The following GNAL variants were observed in gnomAD, a reference collection of about 807,000 sequenced individuals.
GNAL encodes G protein subunit alpha L.
GNAL carries 18 observed loss-of-function variants against 55.1 expected under a neutral mutation model. The ratio of observed to expected loss-of-function variants is 0.33; its 90% CI spans 0.23 to 0.48. The LOEUF (loss-of-function observed/expected upper bound fraction) is 0.48. Among genes scored for constraint, GNAL ranks in the 20% least tolerant of loss-of-function variants. The pLI is 0.99. For synonymous variants in GNAL, 253 were observed against 237.0 expected (o/e 1.07, Z -0.62); for missense variants, 412 against 614.1 (o/e 0.67, Z 3.48).
chr18:11,691,258 C>T (rs2031238933), intron 1 of GNAL, among the ~76,000 whole-genome samples: 1 of 151,464 alleles, frequency 6.6e-6, no homozygotes, highest in African/African-American at 2.4e-5. Context: ...TAAATGTCTT[C>T]TTTTGAGAAG....
At chr18:11,736,185 A>G (rs1447445902) in intron 1 of GNAL, among the ~76,000 whole-genome samples, 1 of 152,154 alleles carries the variant, frequency 6.6e-6, no homozygotes, top group African/African-American at 2.4e-5. Flanking sequence ...GCTTGAGGCC[A>G]GGAGTTCCAG....
chr18:11,760,901 G>T (rs897185742), intron 4 of GNAL, among the ~76,000 whole-genome samples: 11 of 152,190 alleles, frequency 7.2e-5, no homozygotes, highest in African/African-American at 2.4e-4. Flanking sequence ...TTTCTCAATG[G>T]TACAGTAGAG....
chr18:11,861,272 T>A (rs915605461), intron 5 of GNAL, among the ~76,000 whole-genome samples: 10 of 151,948 alleles, frequency 6.6e-5, no homozygotes, highest in Non-Finnish European at 1.5e-4. Flanking sequence ...CTCTCCTTCT[T>A]CCTTCTAGGG....
In GNAL at chr18:11,752,725, T is replaced by G. The variant is rs935650184; in HGVS notation, c.377-128T>G. 5 of 1,179,906 alleles carry G rather than the reference T, an allele frequency of 4.2e-6. No individual in the cohort carries two copies. In the African/African-American group the frequency reaches 7.7e-5, roughly 18 times the overall value. The allele number at this position is 1,179,906 out of a possible 1,614,324, so 73.1% of individuals were successfully genotyped here. A position where few individuals can be genotyped will look rare whatever the true frequency, so the allele number is the denominator to read the frequency against. ...CCAGACGGCGGCCGGGGCGAGCTCCTCCAGCCAGGAACCCGCGTGTAGGAA... is the reference window on the plus strand; with the variant it reads ...CCAGACGGCGGCCGGGGCGAGCTCCGCCAGCCAGGAACCCGCGTGTAGGAA... On this transcript the variant is annotated intron_variant, in intron 1 of 11. Transcript: ENST00000334049. The surrounding 1 kb of genome is among the most constrained non-coding windows in gnomAD (Gnocchi z 4.5).
At chr18:11,696,973 C>T (rs1430633112) in intron 1 of GNAL, among the ~76,000 whole-genome samples, 1 of 152,236 alleles carries the variant, frequency 6.6e-6, no homozygotes, top group African/African-American at 2.4e-5. Context: ...CCTCCAGTTG[C>T]ACAAACTTAA....
At chr18:11,835,497 C>T (rs369068353) in intron 5 of GNAL, among the ~76,000 whole-genome samples, 17 of 151,132 alleles carry the variant, frequency 1.1e-4, no homozygotes, top group Admixed American at 4.0e-4. Flanking sequence ...TACAGTAAAA[C>T]GAAAATGTCA....
chr18:11,719,863 A>G (rs1468041415), intron 1 of GNAL, among the ~76,000 whole-genome samples: 1 of 152,250 alleles, frequency 6.6e-6, no homozygotes, highest in African/African-American at 2.4e-5. Context: ...CAGTGGCAAC[A>G]TCAAGACATT....
At chr18:11,816,007 C>T (rs1200486520) in intron 4 of GNAL, among the ~76,000 whole-genome samples, 3 of 152,004 alleles carry the variant, frequency 2.0e-5, no homozygotes, top group Non-Finnish European at 4.4e-5. Flanking sequence ...ATACTAGAAC[C>T]CCTAAACATT....
At chr18:11,809,465 A>G (rs762885957) in intron 4 of GNAL, among the ~76,000 whole-genome samples, 2 of 152,200 alleles carry the variant, frequency 1.3e-5, no homozygotes, top group African/African-American at 4.8e-5. Context: ...TTATATCTCA[A>G]TAAAGCTGTG....
intron 7 of GNAL, among the ~76,000 whole-genome samples, chr18:11,866,505 A>G (rs1211045516): frequency 6.7e-6 from 1 of 150,364 alleles, no homozygotes; most frequent in Non-Finnish European, 1.5e-5. Context: ...CTGTGAGAAG[A>G]GGGGCCTGGG....
In GNAL at chr18:11,882,521, A is replaced by G. The variant is rs62097399; in HGVS notation, c.*1386A>G. The G allele has an allele frequency of 0.055, 8,436 of 152,190 alleles. 321 individuals carry two copies. The highest frequency in any genetic ancestry group is 0.11 in the African/African-American group (4,529 of 41,470). The allele number at this position is 152,190 out of a possible 1,614,324, so 9.4% of individuals were successfully genotyped here. ...GCTAACATGGCGAAACCCTGTCTCT[A>G]CCAAAAATACAAAAATTAGCCAGGC... On this transcript the variant is annotated 3_prime_UTR_variant, in exon 12 of 12. Coordinates refer to ENST00000334049, the MANE Select transcript of GNAL (RefSeq NM_182978.4).
At chr18:11,762,547 T>C (rs895580950) in intron 4 of GNAL, among the ~76,000 whole-genome samples, 1 of 152,184 alleles carries the variant, frequency 6.6e-6, no homozygotes, top group African/African-American at 2.4e-5. Context: ...GAGCTGAATC[T>C]TCCTTGAATG....
intron 9 of GNAL, among the ~76,000 whole-genome samples, chr18:11,871,485 G>T (rs1358745328): frequency 6.6e-6 from 1 of 152,032 alleles, no homozygotes; most frequent in African/African-American, 2.4e-5. Context: ...TCCTGACCTC[G>T]TGATCTGCCC....
chr18:11,704,277 C>T (rs1416069130), intron 1 of GNAL, among the ~76,000 whole-genome samples: 2 of 152,210 alleles, frequency 1.3e-5, no homozygotes, highest in Non-Finnish European at 2.9e-5. Flanking sequence ...CCCTAGGACA[C>T]AGCCTGGATC....
chr18:11,773,195 G>A (rs894437326), intron 4 of GNAL, among the ~76,000 whole-genome samples: 11 of 152,236 alleles, frequency 7.2e-5, no homozygotes, highest in Admixed American at 7.2e-4. Context: ...ACCAGGGCTT[G>A]CACGTCTCAT....
At chr18:11,852,681 A>G (rs2035907983) in intron 5 of GNAL, 1 of 165,826 alleles carries the variant, frequency 6.0e-6, no homozygotes, top group South Asian at 2.1e-4. Flanking sequence ...TTATTAATAA[A>G]TGTGGTCCTA....
intron 4 of GNAL, among the ~76,000 whole-genome samples, chr18:11,761,880 G>GA (rs1474368311): frequency 1.3e-5 from 2 of 152,222 alleles, no homozygotes; most frequent in Non-Finnish European, 2.9e-5. Context: ...AAAGTCCTAG[G>GA]AAAGACCTTT....
chr18:11,861,836 C>T (rs956193087), intron 5 of GNAL, among the ~76,000 whole-genome samples: 2 of 152,196 alleles, frequency 1.3e-5, no homozygotes, highest in African/African-American at 2.4e-5. Flanking sequence ...TGCACACTCA[C>T]GTTCTCGCTC....
At chr18:11,865,789 C>G (rs2036250938) in intron 7 of GNAL, among the ~76,000 whole-genome samples, 1 of 147,216 alleles carries the variant, frequency 6.8e-6, no homozygotes, top group Non-Finnish European at 1.5e-5. Flanking sequence ...ATCCAAGCAT[C>G]CCTCAAATCT....
Sources: gnomAD v4.1 joint callset for allele counts (sites outside exome capture counted in the v4.1 genomes callset) on GRCh38, gnomAD v4.1.1 for gene constraint, Gnocchi (gnomAD v3.1) non-coding constraint, MANE v1.5 for transcripts, NCBI Gene and HGNC (gene_info 2026-07-23, HGNC 2026-07-21) for gene names.